TFB1M: variants seen among roughly 807,000 people sequenced by gnomAD.
The protein encoded by TFB1M is transcription factor B1, mitochondrial, also known as dimethyladenosine transferase 1, mitochondrial.
TFB1M carries 27 observed loss-of-function variants against 31.1 expected under a neutral mutation model. That is an observed-to-expected ratio of 0.87 (90% CI 0.64 to 1.20). The LOEUF is 1.20. Among genes scored for constraint, TFB1M ranks in the 50% most tolerant of loss-of-function variants. TFB1M has a pLI of 0.00. For synonymous variants in TFB1M, 166 were observed against 151.8 expected (o/e 1.09, Z -0.69); for missense variants, 394 against 418.7 (o/e 0.94, Z 0.51).
At chr6:155,233,864 G>C in the TFB1M span, among the ~76,000 whole-genome samples, 1 of 152,106 alleles carries the variant, frequency 6.6e-6, no homozygotes, top group African/African-American at 2.4e-5. Flanking sequence ...TTAGGAGGCT[G>C]AGGTGGGAGG....
chr6:155,254,247 A>C, downstream of TFB1M: 1 of 1,022,876 alleles, frequency 9.8e-7, no homozygotes, highest in East Asian at 2.6e-5. Context: ...AAATCTTAAG[A>C]GTGATCAATT....
At chr6:155,291,399 A>G (rs1314847985) in intron 4 of TFB1M, among the ~76,000 whole-genome samples, 1 of 152,254 alleles carries the variant, frequency 6.6e-6, no homozygotes, top group Middle Eastern at 3.2e-3. Context: ...AAGAAAACTC[A>G]GCATGGGCCC....
the TFB1M span, among the ~76,000 whole-genome samples, chr6:155,241,427 C>T: frequency 7.7e-3 from 1,179 of 152,274 alleles, 14 homozygotes; most frequent in African/African-American, 0.027. Flanking sequence ...GGTCCAGGCC[C>T]GGCTTTGCCT....
chr6:155,232,906 C>T, the TFB1M span: 4 of 152,330 alleles, frequency 2.6e-5, no homozygotes, highest in Admixed American at 2.0e-4. Flanking sequence ...TGTCCTTCAT[C>T]CTTGTTTCTG....
the TFB1M span, among the ~76,000 whole-genome samples, chr6:155,233,077 C>T: frequency 6.6e-6 from 1 of 152,158 alleles, no homozygotes; most frequent in East Asian, 1.9e-4. Flanking sequence ...CCAGGAAAGG[C>T]GGGCACGTAG....
At chr6:155,297,344 G>A (rs1291528306) in intron 3 of TFB1M, among the ~76,000 whole-genome samples, 1 of 152,054 alleles carries the variant, frequency 6.6e-6, no homozygotes, top group African/African-American at 2.4e-5. Flanking sequence ...AAAAGTCCTT[G>A]AATTTCTGGC....
chr6:155,299,714 C>T (rs1433688279), intron 2 of TFB1M, among the ~76,000 whole-genome samples: 2 of 152,184 alleles, frequency 1.3e-5, no homozygotes, highest in African/African-American at 2.4e-5. Context: ...TACCTTGGTC[C>T]TAATTCTCTA....
chr6:155,251,252 C>A (rs1309898666), downstream of TFB1M, among the ~76,000 whole-genome samples: 1 of 152,208 alleles, frequency 6.6e-6, no homozygotes, highest in Non-Finnish European at 1.5e-5. Flanking sequence ...GTTACAGGAA[C>A]AGATCCCTGC....
chr6:155,289,074 TC>T (rs1444762872), intron 4 of TFB1M, among the ~76,000 whole-genome samples: 1 of 152,058 alleles, frequency 6.6e-6, no homozygotes, highest in Non-Finnish European at 1.5e-5. Flanking sequence ...GTTTTTTTTT[TC>T]TTATTAATCT....
intron 5 of TFB1M, chr6:155,275,701 C>T: frequency 1.9e-6 from 3 of 1,596,216 alleles, no homozygotes; most frequent in Non-Finnish European, 2.6e-6. Context: ...TCTAAGAGGA[C>T]AGACTTAACA....
At chr6:155,240,046 C>T in the TFB1M span, among the ~76,000 whole-genome samples, 9 of 152,226 alleles carry the variant, frequency 5.9e-5, no homozygotes, top group Admixed American at 2.0e-4. Context: ...GTGGCCAGGT[C>T]GTCCTGTAAT....
chr6:155,235,376 G>A, the TFB1M span, among the ~76,000 whole-genome samples: 1 of 152,208 alleles, frequency 6.6e-6, no homozygotes, highest in Non-Finnish European at 1.5e-5. Flanking sequence ...GGTTGAGCCT[G>A]GACTGCAGCC....
intron 2 of TFB1M, chr6:155,303,610 A>G (rs566756284): frequency 2.0e-5 from 3 of 152,374 alleles, no homozygotes; most frequent in Non-Finnish European, 2.9e-5. Context: ...CACAATAGCA[A>G]GGAAGGCAAT....
downstream of TFB1M, chr6:155,253,379 T>G: frequency 1.1e-5 from 3 of 281,040 alleles, no homozygotes; most frequent in Non-Finnish European, 2.0e-5. Flanking sequence ...TTTACAAATT[T>G]AGAATATAGC....
chr6:155,256,392 TAATGTTAAATCTTACAC>T lies in TFB1M; in HGVS notation c.*1427_*1443del. The T allele has an allele frequency of 6.4e-7, 1 of 1,554,002 alleles. No individual in the cohort carries two copies. The highest frequency in any genetic ancestry group is 8.7e-7 in the Non-Finnish European group (1 of 1,147,334). The stretch of plus-strand genomic sequence containing the variant: ...GAAGTCATATCATAAAATAAAATCT[TAATGTTAAATCTTACAC>T]AAGCTTTGAGGCAAACATTACACAT... On this transcript the variant is annotated 3_prime_UTR_variant, in exon 7 of 7. Transcript: ENST00000367166.
intron 4 of TFB1M, among the ~76,000 whole-genome samples, chr6:155,293,883 G>T (rs1777041924): frequency 6.6e-6 from 1 of 151,250 alleles, no homozygotes. Flanking sequence ...ACTTTTTTTT[G>T]ACTCTATGCA....
chr6:155,258,671 T>G (rs1378121525), intron 6 of TFB1M, among the ~76,000 whole-genome samples: 1 of 152,262 alleles, frequency 6.6e-6, no homozygotes, highest in East Asian at 1.9e-4. Flanking sequence ...TTAAAATGAA[T>G]AGCAGAACTG....
rs1776564411 is a variant in TFB1M at position 155,285,044 on chromosome 6, TGTCAGTTTGC to T, written c.666+104_666+113del. 5 of 1,338,532 alleles carry T rather than the reference TGTCAGTTTGC, an allele frequency of 3.7e-6. No individual in the cohort carries two copies. The South Asian group carries it at 6.0e-5, about 16-fold the overall frequency. The allele number at this position is 1,338,532 out of a possible 1,614,324, so 82.9% of individuals were successfully genotyped here. The stretch of plus-strand genomic sequence containing the variant: ...GTTCTTATTCAGAAGTAAAGTACAG[TGTCAGTTTGC>T]ACATAAACAAAGGTTAGATCCTAGA... On this transcript the variant is annotated intron_variant, in intron 5 of 6. Transcript: ENST00000367166.
intron 4 of TFB1M, among the ~76,000 whole-genome samples, chr6:155,294,506 G>A (rs944128776): frequency 1.3e-5 from 2 of 152,056 alleles, no homozygotes; most frequent in South Asian, 2.1e-4. Flanking sequence ...AAAGAAAGGT[G>A]AGCAAAAAGC....
Sources: allele counts gnomAD v4.1 joint callset (sites outside exome capture counted in the v4.1 genomes callset), GRCh38; gene constraint gnomAD v4.1.1; transcripts MANE v1.5; gene names NCBI Gene and HGNC (gene_info 2026-07-23, HGNC 2026-07-21).